The following CFAP206 variants were observed in gnomAD, a reference collection of about 807,000 sequenced individuals.
CFAP206 encodes the protein cilia and flagella associated protein 206.
A neutral mutation model predicts 65.4 loss-of-function variants in CFAP206; 53 were observed. The ratio of observed to expected loss-of-function variants is 0.81; its 90% CI spans 0.65 to 1.02. The LOEUF is 1.02. Ranked by LOEUF, CFAP206 falls within the 50% of genes least tolerant of loss-of-function variation. The probability of loss-of-function intolerance (pLI) is 0.00; values close to 1 mark genes in which losing one functional copy is unlikely to be tolerated. For missense variants in CFAP206, 663 were observed against 753.2 expected, an observed-to-expected ratio of 0.88 and a Z score of 1.40; for synonymous variants, 250 against 254.4, an observed-to-expected ratio of 0.98 and a Z score of 0.17.
chr6:87,456,394 C>T (rs1189474661), intron 11 of CFAP206, among the ~76,000 whole-genome samples: 1 of 152,102 alleles, frequency 6.6e-6, no homozygotes, highest in Non-Finnish European at 1.5e-5. Context: ...AAGCCATATA[C>T]AGCAGACCCA....
chr6:87,414,811 A>G (rs1767796211), intron 4 of CFAP206, among the ~76,000 whole-genome samples: 3 of 152,170 alleles, frequency 2.0e-5, no homozygotes, highest in African/African-American at 7.2e-5. Context: ...ACCTATGTAA[A>G]AGTATATATC....
At position 87,410,688 on chromosome 6, in the gene CFAP206, C is replaced by T; in HGVS notation, c.192+20C>T. On this transcript the variant is annotated intron_variant, in intron 3 of 12. Coordinates refer to ENST00000369562, the MANE Select transcript of CFAP206 (RefSeq NM_001031743.3). ...GTTAAGGTGATTACCCAACAGTCCTCAAATTTGCAATTACTTATTCTCAGT... is the reference window on the plus strand; with the variant it reads ...GTTAAGGTGATTACCCAACAGTCCTTAAATTTGCAATTACTTATTCTCAGT... 1 of 1,579,790 alleles carries T rather than the reference C, an allele frequency of 6.3e-7. No individual in the cohort carries two copies. The highest frequency in any genetic ancestry group is 1.1e-5 in the South Asian group (1 of 89,862).
intron 11 of CFAP206, among the ~76,000 whole-genome samples, chr6:87,449,736 A>G (rs1582149503): frequency 1.3e-5 from 2 of 152,218 alleles, no homozygotes; most frequent in East Asian, 3.9e-4. Context: ...TCATCCCTTA[A>G]TGGATAGTTT....
chr6:87,459,259 C>T (rs1351478962), intron 11 of CFAP206, among the ~76,000 whole-genome samples: 1 of 151,960 alleles, frequency 6.6e-6, no homozygotes, highest in Admixed American at 6.6e-5. Flanking sequence ...AAAACTCTTC[C>T]GTTTTTTGTC....
At chr6:87,427,843 A>C (rs1768074324) in intron 8 of CFAP206, among the ~76,000 whole-genome samples, 1 of 152,120 alleles carries the variant, frequency 6.6e-6, no homozygotes, top group African/African-American at 2.4e-5. Flanking sequence ...TTTTGTGTTC[A>C]TTCTCCTCTA....
At position 87,431,690 on chromosome 6, in the gene CFAP206, C is replaced by T. The variant is rs143495486; in HGVS notation, c.1300+517C>T. 6.4e-3 allele frequency among the ~76,000 whole-genome samples: 970 copies of T among 152,214 alleles called. 3 individuals carry two copies. The highest frequency in any genetic ancestry group is 0.022 in the African/African-American group (927 of 41,510). ...CTGAGGCAGGAGAATCACTTGAACC[C>T]GGGAGGCAGAGATTGCAGCGAGCTG... On this transcript the variant is annotated intron_variant, in intron 10 of 12. Transcript: ENST00000369562.
At chr6:87,454,983 C>T (rs944263563) in intron 11 of CFAP206, among the ~76,000 whole-genome samples, 4 of 151,500 alleles carry the variant, frequency 2.6e-5, no homozygotes, top group African/African-American at 9.7e-5. Context: ...ACTTTAGTGG[C>T]ATGATCTCTG....
Position 87,431,787 on chromosome 6 carries a change from C to A in CFAP206, c.1300+614C>A, listed in dbSNP as rs148014455. On this transcript the variant is annotated intron_variant, in intron 10 of 12. Coordinates refer to ENST00000369562, the MANE Select transcript of CFAP206 (RefSeq NM_001031743.3). ...CAAAAATAAAACAAAAGAAATGTTA[C>A]ACAACATTACTAAAAATATATCTTC... 4.2e-3 allele frequency among the ~76,000 whole-genome samples: 645 copies of A among 152,192 alleles called. 3 individuals are homozygous for A. Among genetic ancestry groups the A allele is most frequent in the African/African-American group, 0.015 (622 of 41,528 alleles).
At chr6:87,433,805 A>G (rs1768202897) in intron 10 of CFAP206, among the ~76,000 whole-genome samples, 1 of 152,230 alleles carries the variant, frequency 6.6e-6, no homozygotes, top group South Asian at 2.1e-4. Flanking sequence ...TATGTTAAAA[A>G]TGGAGTGGAA....
chr6:87,413,563 A>G (rs958815358), intron 3 of CFAP206, among the ~76,000 whole-genome samples: 3 of 152,164 alleles, frequency 2.0e-5, no homozygotes, highest in Non-Finnish European at 2.9e-5. Context: ...CTTCACCACT[A>G]CACGCAATAT....
chr6:87,457,702 A>C (rs1171363259), intron 11 of CFAP206, among the ~76,000 whole-genome samples: 2 of 152,238 alleles, frequency 1.3e-5, no homozygotes, highest in Non-Finnish European at 2.9e-5. Flanking sequence ...GAGACCTCAA[A>C]CTATGAAACT....
intron 3 of CFAP206, among the ~76,000 whole-genome samples, 161 bp from the exon 4 acceptor site, chr6:87,413,649 A>C (rs1256062654): frequency 6.6e-6 from 1 of 152,210 alleles, no homozygotes; most frequent in Non-Finnish European, 1.5e-5. Context: ...ATAAACTATA[A>C]AGCCTGAAGT....
chr6:87,412,827 A>G (rs1300157229), intron 3 of CFAP206, among the ~76,000 whole-genome samples: 2 of 151,848 alleles, frequency 1.3e-5, no homozygotes, highest in Non-Finnish European at 2.9e-5. Flanking sequence ...TGCCTGGCTA[A>G]TTGTTGTATT....
At chr6:87,457,146 T>C (rs1768658137) in intron 11 of CFAP206, among the ~76,000 whole-genome samples, 1 of 76,232 alleles carries the variant, frequency 1.3e-5, no homozygotes, top group African/African-American at 5.8e-5. Context: ...TGAGACAACC[T>C]CTCAAAAAAA....
intron 11 of CFAP206, among the ~76,000 whole-genome samples, chr6:87,455,699 AAATTCAAAGGACCAC>A (rs1175723235): frequency 6.6e-6 from 1 of 152,188 alleles, no homozygotes; most frequent in Non-Finnish European, 1.5e-5. Context: ...GATATCACAA[AAATTCAAAGGACCAC>A]TAGAGGCTAC....
chr6:87,454,609 G>A (rs1768603084), intron 11 of CFAP206, among the ~76,000 whole-genome samples: 2 of 151,982 alleles, frequency 1.3e-5, no homozygotes, highest in Admixed American at 6.6e-5. Context: ...ACTTTGGGAG[G>A]CCGAGGCAGG....
intron 11 of CFAP206, among the ~76,000 whole-genome samples, chr6:87,452,899 G>C (rs1243030748): frequency 1.3e-5 from 2 of 151,996 alleles, no homozygotes; most frequent in East Asian, 3.9e-4. Context: ...GAAGAGATAG[G>C]GGTAGAAAGT....
intron 11 of CFAP206, among the ~76,000 whole-genome samples, chr6:87,438,718 GACA>G (rs1768315530): frequency 6.6e-6 from 1 of 152,062 alleles, no homozygotes; most frequent in African/African-American, 2.4e-5. Flanking sequence ...TAACACAAGT[GACA>G]ACATTTTTAT....
At chr6:87,444,305 C>T (rs1768409252) in intron 11 of CFAP206, 1 of 213,814 alleles carries the variant, frequency 4.7e-6, no homozygotes, top group African/African-American at 2.3e-5. Flanking sequence ...ATGAGAAGGT[C>T]AGAGGTACAC....
Sources: gnomAD v4.1 joint callset for allele counts (sites outside exome capture counted in the v4.1 genomes callset) on GRCh38, gnomAD v4.1.1 for gene constraint, MANE v1.5 for transcripts, NCBI Gene and HGNC (gene_info 2026-07-23, HGNC 2026-07-21) for gene names.